Variants in CPSF6 observed in about 807,000 individuals in gnomAD.
The protein encoded by CPSF6 is cleavage and polyadenylation specific factor 6, also known as cleavage and polyadenylation specificity factor subunit 6.
A neutral mutation model predicts 56.7 loss-of-function variants in CPSF6; 10 were observed. The ratio of observed to expected loss-of-function variants is 0.18; its 90% CI spans 0.11 to 0.30. CPSF6 has a LOEUF of 0.30. Among genes scored for constraint, CPSF6 ranks in the 10% least tolerant of loss-of-function variants. The pLI, the probability that CPSF6 is intolerant of heterozygous loss-of-function variation, is 1.00. For synonymous variants in CPSF6, 248 were observed against 244.8 expected, an observed-to-expected ratio of 1.01 and a Z score of -0.12; for missense variants, 419 against 722.9, an observed-to-expected ratio of 0.58 and a Z score of 4.82.
At chr12:69,262,341 G>A in intron 8 of CPSF6, 32 bp from the exon 9 acceptor site, 2 of 1,508,212 alleles carry the variant, frequency 1.3e-6, no homozygotes, top group South Asian at 1.4e-5. Flanking sequence ...TCTAATTATG[G>A]AGAGCATTAA....
intron 3 of CPSF6, among the ~76,000 whole-genome samples, chr12:69,254,614 CT>C (rs1368651629): frequency 2.0e-5 from 3 of 152,156 alleles, no homozygotes; most frequent in Admixed American, 6.5e-5. Flanking sequence ...TTCTCCAGCT[CT>C]AGAATGGTAC....
chr12:69,254,326 C>T (rs1872402012), intron 3 of CPSF6, among the ~76,000 whole-genome samples: 1 of 152,192 alleles, frequency 6.6e-6, no homozygotes, highest in Non-Finnish European at 1.5e-5. Context: ...CCACATTAGT[C>T]TCTTTGCTGT....
chr12:69,246,239 T>C (rs1871898944), intron 1 of CPSF6, among the ~76,000 whole-genome samples: 1 of 152,254 alleles, frequency 6.6e-6, no homozygotes, highest in Non-Finnish European at 1.5e-5. Flanking sequence ...TCATTATGTA[T>C]GTATTCTAGC....
chr12:69,246,244 T>G (rs965848175), intron 1 of CPSF6, among the ~76,000 whole-genome samples: 7 of 152,240 alleles, frequency 4.6e-5, no homozygotes, highest in Admixed American at 3.3e-4. Flanking sequence ...ATGTATGTAT[T>G]CTAGCCAATT....
rs1022333980 is a variant in CPSF6 at position 69,271,171 on chromosome 12, C to T, written c.*1663C>T. On this transcript the variant is annotated 3_prime_UTR_variant, in exon 10 of 10. Coordinates refer to ENST00000435070, the MANE Select transcript of CPSF6 (RefSeq NM_007007.3). Reference sequence around the variant, plus strand: ...TGTTTGAAGTATCTGTGCATGGGATCGTTGATGTTTATCAGAACTGTTCAC... The same window carrying T: ...TGTTTGAAGTATCTGTGCATGGGATTGTTGATGTTTATCAGAACTGTTCAC... 1 of 152,080 alleles carries T rather than the reference C, an allele frequency of 6.6e-6. No homozygotes were observed. The highest frequency in any genetic ancestry group is 1.5e-5 in the Non-Finnish European group (1 of 67,648). The allele number at this position is 152,080 out of a possible 1,614,324, so 9.4% of individuals were successfully genotyped here. A position where few individuals can be genotyped will look rare whatever the true frequency, so the allele number is the denominator to read the frequency against.
intron 1 of CPSF6, among the ~76,000 whole-genome samples, chr12:69,247,425 A>T (rs1739836126): frequency 6.6e-6 from 1 of 151,430 alleles, no homozygotes; most frequent in Admixed American, 6.6e-5. Context: ...AGCTTTATGT[A>T]ACATAGCTGG....
At chr12:69,239,922 C>T (rs1333162256) in intron 1 of CPSF6, among the ~76,000 whole-genome samples, 2 of 149,480 alleles carry the variant, frequency 1.3e-5, no homozygotes, top group Non-Finnish European at 3.0e-5. Context: ...CCGCGGGGCC[C>T]GGAGCGCGGA....
At chr12:69,250,331 TTG>T (rs1872167484) in intron 1 of CPSF6, among the ~76,000 whole-genome samples, 1 of 152,052 alleles carries the variant, frequency 6.6e-6, no homozygotes, top group South Asian at 2.1e-4. Flanking sequence ...CTATTTGCAT[TTG>T]TGTGTTATTA....
At chr12:69,263,967 A>G (rs1374673418) in intron 9 of CPSF6, among the ~76,000 whole-genome samples, 1 of 152,096 alleles carries the variant, frequency 6.6e-6, no homozygotes, top group Non-Finnish European at 1.5e-5. Context: ...ATATGAGGCA[A>G]AAAAACCTTT....
chr12:69,258,945 C>T lies in CPSF6; in HGVS notation c.1050C>T (p.Ala350=). 3 of 1,614,096 alleles carry T rather than the reference C, an allele frequency of 1.9e-6. No individual in the cohort carries two copies. Among genetic ancestry groups the T allele is most frequent in the South Asian group, 1.1e-5 (1 of 91,078 alleles). ...PPHLPGPPPG[A]PPPAPHVNPA... Reference sequence around the variant, plus strand: ...ATCTTCCTGGACCACCTCCAGGTGCCCCACCGCCAGCTCCGCATGTGAACC... The same window carrying T: ...ATCTTCCTGGACCACCTCCAGGTGCTCCACCGCCAGCTCCGCATGTGAACC... The change falls in exon 6 of 10, where the codon GCC becomes GCT. Residue 350 remains alanine, a synonymous_variant. Transcript: ENST00000435070. This position sits in a 1 kb window ranked among gnomAD's most constrained non-coding sequence, Gnocchi z 4.2.
At chr12:69,262,255 G>T in intron 8 of CPSF6, 118 bp from the exon 9 acceptor site, 2 of 1,308,230 alleles carry the variant, frequency 1.5e-6, no homozygotes, top group Non-Finnish European at 2.0e-6. Context: ...AGGATAGTAA[G>T]TTTAAACCAG....
At chr12:69,256,496 A>G (rs1415262674) in intron 3 of CPSF6, among the ~76,000 whole-genome samples, 1 of 152,150 alleles carries the variant, frequency 6.6e-6, no homozygotes, top group Non-Finnish European at 1.5e-5. Flanking sequence ...TAGTGTGATT[A>G]TAGGTTACTG....
intron 9 of CPSF6, among the ~76,000 whole-genome samples, chr12:69,266,923 T>C (rs12371246): frequency 0.11 from 16,649 of 152,126 alleles, 1,165 homozygotes; most frequent in Non-Finnish European, 0.16. Flanking sequence ...CAAGAACTTC[T>C]TGTAAATATC....
At chr12:69,257,688 C>G in intron 4 of CPSF6, 44 bp from the exon 5 acceptor site, 1 of 1,534,010 alleles carries the variant, frequency 6.5e-7, no homozygotes, top group Non-Finnish European at 8.8e-7. Context: ...TTTCAGAAAA[C>G]TATTTTTAAT....
rs904271493 is a variant in CPSF6 at position 69,254,575 on chromosome 12, A to G, written c.374+1421A>G. ...CTTCCAAGCCTTTAAGCTTAATGAG[A>G]ACAGAGATTTTGTTTTGTTCTCTAT... is the stretch of plus-strand genomic sequence containing the variant. On this transcript the variant is annotated intron_variant, in intron 3 of 9. Coordinates refer to ENST00000435070, the MANE Select transcript of CPSF6 (RefSeq NM_007007.3). Among the ~76,000 whole-genome samples the G allele has an allele frequency of 4.6e-5, 7 of 152,316 alleles. No homozygotes were observed. The South Asian group carries it at 1.0e-3, about 23-fold the overall frequency.
chr12:69,252,702 A>G (rs1565645709), intron 2 of CPSF6, among the ~76,000 whole-genome samples: 2 of 152,236 alleles, frequency 1.3e-5, no homozygotes, highest in Admixed American at 6.5e-5. Context: ...ATGAAATTCA[A>G]AATACTTTCC....
At position 69,239,584 on chromosome 12, in the gene CPSF6, G is replaced by A. The variant is rs1287686645; in HGVS notation, c.-63G>A. On this transcript the variant is annotated 5_prime_UTR_variant, in exon 1 of 10. Transcript: ENST00000435070. ...CCCCACCGCCGCTAGATCCGCTGCTGCTGCCGCGGCGGGCAGACCTGCAGG... is the reference window on the plus strand; with the variant it reads ...CCCCACCGCCGCTAGATCCGCTGCTACTGCCGCGGCGGGCAGACCTGCAGG... The A allele has an allele frequency of 5.3e-6, 8 of 1,522,412 alleles. 1 individual carries two copies. Among genetic ancestry groups the A allele is most frequent in the South Asian group, 4.9e-5 (4 of 81,188 alleles). 94.3% of individuals were successfully genotyped at this position (1,522,412 alleles called of 1,614,324 possible).
chr12:69,268,874 T>C (rs1873117420), intron 9 of CPSF6, among the ~76,000 whole-genome samples: 1 of 151,798 alleles, frequency 6.6e-6, no homozygotes, highest in Non-Finnish European at 1.5e-5. Context: ...ATAGGTGGAA[T>C]AGACTAAAAG....
intron 1 of CPSF6, among the ~76,000 whole-genome samples, chr12:69,247,547 T>A (rs910390238): frequency 6.6e-6 from 1 of 152,166 alleles, no homozygotes; most frequent in Non-Finnish European, 1.5e-5. Context: ...TTAAAAGTAA[T>A]AATTGAAAAG....
Sources: gnomAD v4.1 joint callset for allele counts (sites outside exome capture counted in the v4.1 genomes callset) on GRCh38, gnomAD v4.1.1 for gene constraint, Gnocchi (gnomAD v3.1) non-coding constraint, MANE v1.5 for transcripts, NCBI Gene and HGNC (gene_info 2026-07-23, HGNC 2026-07-21) for gene names.